The following GRB14 variants were observed in gnomAD, a reference collection of about 807,000 sequenced individuals.
The protein encoded by GRB14 is growth factor receptor-bound protein 14.
A neutral mutation model predicts 69.1 loss-of-function variants in GRB14; 38 were observed. The ratio of observed to expected loss-of-function variants is 0.55; its 90% CI spans 0.42 to 0.72. The LOEUF (loss-of-function observed/expected upper bound fraction) is 0.72. GRB14 is among the 30% of genes least tolerant of loss of function. The pLI is 0.00. For missense variants in GRB14, 666 were observed against 666.1 expected (o/e 1.00, Z 0.00); for synonymous variants, 247 against 241.3 (o/e 1.02, Z -0.22).
intron 2 of GRB14, among the ~76,000 whole-genome samples, chr2:164,574,603 C>A (rs1689205805): frequency 6.6e-6 from 1 of 152,140 alleles, no homozygotes; most frequent in East Asian, 1.9e-4. Flanking sequence ...AAAACCAAAA[C>A]AGCAGAAAAG....
Position 164,619,822 on chromosome 2 carries a change from A to C in GRB14, c.192-3T>G, listed in dbSNP as rs1690402995. The C allele has an allele frequency of 1.9e-6, 3 of 1,601,210 alleles. No individual in the cohort carries two copies. Among genetic ancestry groups the C allele is most frequent in the Non-Finnish European group, 1.7e-6 (2 of 1,173,378 alleles). On this transcript the variant is annotated splice_region_variant and splice_polypyrimidine_tract_variant and intron_variant, in intron 1 of 13. Coordinates refer to ENST00000263915, the MANE Select transcript of GRB14 (RefSeq NM_004490.3). ...CATCAAGATCTTTCTTTTTTCTCCT[A>C]CAGTAAGAGAACATAGGATGTAATT...
At chr2:164,614,673 C>G (rs1234856589) in intron 2 of GRB14, among the ~76,000 whole-genome samples, 2 of 152,072 alleles carry the variant, frequency 1.3e-5, no homozygotes, top group East Asian at 3.9e-4. Context: ...GAGGCAAAAT[C>G]TTGATAATTG....
intron 4 of GRB14, among the ~76,000 whole-genome samples, chr2:164,526,417 A>G (rs1180439438): frequency 1.3e-5 from 2 of 152,038 alleles, no homozygotes; most frequent in Non-Finnish European, 2.9e-5. Flanking sequence ...GAGAACTACA[A>G]TGAAAGTAGT....
chr2:164,508,827 C>A lies in GRB14; in HGVS notation c.842G>T (p.Ser281Ile). The A allele has an allele frequency of 6.3e-7, 1 of 1,575,936 alleles. No homozygotes were observed. The highest frequency in any genetic ancestry group is 8.6e-7 in the Non-Finnish European group (1 of 1,167,164). ...SKEPRHLQFF[S>I]EFGNSDIYVS... ...ATAAATATCACTATTGCCAAATTCG[C>A]TGAAAAACTGCAAATGCCGCGGTTC... is the stretch of plus-strand genomic sequence containing the variant. The change falls in exon 7 of 14, where the codon AGC becomes ATC. Residue 281 changes from serine (S) to isoleucine (I), a missense_variant. By Grantham distance (142) the Ser-to-Ile change is moderately radical. Coordinates refer to ENST00000263915, the MANE Select transcript of GRB14 (RefSeq NM_004490.3).
At chr2:164,562,183 A>C (rs770987287) in intron 2 of GRB14, among the ~76,000 whole-genome samples, 1 of 152,194 alleles carries the variant, frequency 6.6e-6, no homozygotes. Flanking sequence ...TATTAATAGT[A>C]ACACCACTTG....
intron 3 of GRB14, among the ~76,000 whole-genome samples, chr2:164,534,595 T>C (rs1688033516): frequency 6.6e-6 from 1 of 152,034 alleles, no homozygotes; most frequent in Admixed American, 6.5e-5. Context: ...AAAAACACCA[T>C]CACCAAGACC....
chr2:164,496,797 C>T (rs1407405978), intron 12 of GRB14, among the ~76,000 whole-genome samples: 2 of 152,144 alleles, frequency 1.3e-5, no homozygotes, highest in East Asian at 3.9e-4. Context: ...CGTTATTTGT[C>T]CATTTATATA....
At chr2:164,593,139 A>G (rs12469622) in intron 2 of GRB14, among the ~76,000 whole-genome samples, 12,864 of 152,268 alleles carry the variant, frequency 0.084, 904 homozygotes, top group East Asian at 0.29. Flanking sequence ...ACAATTATTT[A>G]TATTTACATA....
rs141568578 is a variant in GRB14, at chr2:164,547,755, G to C, written c.386C>G (p.Thr129Arg). 581 of 1,613,410 alleles carry C rather than the reference G, an allele frequency of 3.6e-4. 7 individuals carry two copies. The highest frequency in any genetic ancestry group is 8.3e-5 in the Non-Finnish European group (98 of 1,179,556). The change falls in exon 3 of 14, where the codon ACG becomes AGG. Residue 129 changes from threonine to arginine, a missense_variant. Coordinates refer to ENST00000263915, the MANE Select transcript of GRB14 (RefSeq NM_004490.3). ...CAACAGCTGACAAACATCTCGAGCC[G>C]TTATGTCACTGGGTACATCTAAAGC... ...SRALDVPSDI[T>R]ARDVCQLLIL...
At position 164,497,440 on chromosome 2, in the gene GRB14, T is replaced by C. The variant is rs769031454; in HGVS notation, c.1155A>G (p.Lys385=). Residue 385 remains lysine, a synonymous_variant, in exon 10 of 14, where the codon AAA becomes AAG. Transcript: ENST00000263915. ...CAGTGGGATTTTCTATAACTCTGCT[T>C]TTCTGGCCTGAGAAGTCCATTGCTA... The part of the protein sequence containing the change: ...SLVAMDFSGQ[K]SRVIENPTEA... 3.1e-6 allele frequency: 5 copies of C among 1,613,812 alleles called. No individual in the cohort carries two copies. In the South Asian group the frequency reaches 5.5e-5, roughly 18 times the overall value.
chr2:164,524,457 A>C (rs1211974930), intron 5 of GRB14, among the ~76,000 whole-genome samples: 2 of 152,142 alleles, frequency 1.3e-5, no homozygotes, highest in Non-Finnish European at 2.9e-5. Context: ...GGAGATTTTT[A>C]ATTAGATAAC....
intron 2 of GRB14, among the ~76,000 whole-genome samples, chr2:164,595,677 T>G (rs1689764471): frequency 6.6e-6 from 1 of 152,208 alleles, no homozygotes; most frequent in Non-Finnish European, 1.5e-5. Context: ...AGCTATGACT[T>G]TCATAGATGA....
Position 164,564,609 on chromosome 2 carries a change from T to C in GRB14, c.325-16793A>G, listed in dbSNP as rs192115804. Among the ~76,000 whole-genome samples, 13 of 152,298 alleles carry C rather than the reference T, an allele frequency of 8.5e-5. No homozygotes were observed. The East Asian group carries it at 1.5e-3, about 18-fold the overall frequency. On this transcript the variant is annotated intron_variant, in intron 2 of 13. Coordinates refer to ENST00000263915, the MANE Select transcript of GRB14 (RefSeq NM_004490.3). ...AAAAAAATATATGTCATTAAAAGTA[T>C]CCCTTTTTTTCTCTGAGATTTCAGA...
At chr2:164,524,578 T>C (rs1377071900) in intron 5 of GRB14, among the ~76,000 whole-genome samples, 1 of 152,144 alleles carries the variant, frequency 6.6e-6, no homozygotes, top group African/African-American at 2.4e-5. Context: ...TTATCTCCTT[T>C]CATTTATTTG....
chr2:164,599,326 A>G (rs1395344343), intron 2 of GRB14, among the ~76,000 whole-genome samples: 1 of 152,218 alleles, frequency 6.6e-6, no homozygotes, highest in Non-Finnish European at 1.5e-5. Context: ...TAAAATAATC[A>G]GAGCCTTCCA....
rs187845785 is a variant in GRB14, at chr2:164,561,112, T to G, written c.325-13296A>C. Among the ~76,000 whole-genome samples, 5 of 152,226 alleles carry G rather than the reference T, an allele frequency of 3.3e-5. No individual in the cohort carries two copies. In the East Asian group the frequency reaches 9.7e-4, roughly 29 times the overall value. On this transcript the variant is annotated intron_variant, in intron 2 of 13. Coordinates refer to ENST00000263915, the MANE Select transcript of GRB14 (RefSeq NM_004490.3). ...TTAGCCCAGCTATTTTTAATCAGCC[T>G]TCACTGCCAAATGTGGAACATGCAG...
In GRB14 at chr2:164,494,468, C is replaced by G; in HGVS notation, c.1439G>C (p.Ser480Thr). ...AAAGTGCTTTATTTTTTGTCCATGA[C>G]TCATTGACAGTACGAAAGTTTTGGG... ...SNPKTFVLSM[S>T]HGQKIKHFQI... is the part of the protein sequence containing the mutation. Residue 480 changes from serine (S) to threonine (T), a missense_variant, in exon 13 of 14, where the codon AGT becomes ACT. Ser to Thr is a moderately conservative substitution (Grantham distance 58, BLOSUM62 1). Coordinates refer to ENST00000263915, the MANE Select transcript of GRB14 (RefSeq NM_004490.3). The G allele has an allele frequency of 6.2e-7, 1 of 1,601,808 alleles. No homozygotes were observed. The highest frequency in any genetic ancestry group is 1.3e-5 in the African/African-American group (1 of 74,766).
intron 2 of GRB14, among the ~76,000 whole-genome samples, chr2:164,602,133 TA>T (rs1305497247): frequency 5.2e-3 from 542 of 103,270 alleles, no homozygotes; most frequent in East Asian, 0.03. Flanking sequence ...TTTTTAAATT[TA>T]AAAAAAAAAA....
intron 3 of GRB14, among the ~76,000 whole-genome samples, chr2:164,547,369 A>T (rs1190583088): frequency 3.3e-5 from 5 of 151,874 alleles, no homozygotes; most frequent in East Asian, 1.9e-4. Context: ...TGAATTTTTT[A>T]AAAAATACAA....
Sources: gnomAD v4.1 joint callset for allele counts (sites outside exome capture counted in the v4.1 genomes callset) on GRCh38, gnomAD v4.1.1 for gene constraint, MANE v1.5 for transcripts, NCBI Gene and HGNC (gene_info 2026-07-23, HGNC 2026-07-21) for gene names.